MEGF11: variants seen among roughly 807,000 people sequenced by gnomAD.
MEGF11 encodes multiple EGF like domains 11, also known as multiple epidermal growth factor-like domains protein 11.
Under a neutral mutation model 146.6 loss-of-function variants are expected in MEGF11, and 126 were observed. The observed-to-expected ratio is 0.86, with a 90% CI of 0.74 to 1.00. The LOEUF is 1.00. MEGF11 is among the 50% of genes least tolerant of loss of function. The pLI is 0.00. For synonymous variants in MEGF11, 532 were observed against 583.4 expected, an observed-to-expected ratio of 0.91 and a Z score of 1.27; for missense variants, 1,509 against 1,521.2, an observed-to-expected ratio of 0.99 and a Z score of 0.13.
chr15:66,025,838 C>G (rs1205833656), intron 5 of MEGF11, among the ~76,000 whole-genome samples: 1 of 152,194 alleles, frequency 6.6e-6, no homozygotes, highest in Non-Finnish European at 1.5e-5. Flanking sequence ...GCATCTCAAC[C>G]CCACAATGAT....
intron 8 of MEGF11, among the ~76,000 whole-genome samples, chr15:65,967,359 G>T (rs568122549): frequency 1.1e-3 from 171 of 152,282 alleles, no homozygotes; most frequent in African/African-American, 3.9e-3. Context: ...TGGATTTAAG[G>T]AGTTAGTGTT....
chr15:65,919,311 C>T (rs865959785), intron 15 of MEGF11, among the ~76,000 whole-genome samples: 4 of 152,208 alleles, frequency 2.6e-5, no homozygotes, highest in Admixed American at 1.3e-4. Flanking sequence ...CACTTAAATG[C>T]ACCAGACACT....
chr15:66,010,407 G>T (rs142010664), intron 5 of MEGF11, among the ~76,000 whole-genome samples: 1 of 151,954 alleles, frequency 6.6e-6, no homozygotes, highest in Non-Finnish European at 1.5e-5. Flanking sequence ...TGGCCAGGCT[G>T]GTCTCGAACT....
chr15:66,118,051 C>T (rs1224418557), intron 4 of MEGF11, among the ~76,000 whole-genome samples: 1 of 152,156 alleles, frequency 6.6e-6, no homozygotes, highest in East Asian at 1.9e-4. Flanking sequence ...TCTACCCACT[C>T]GAATGGCAAA....
chr15:66,221,509 C>T lies in MEGF11; in HGVS notation c.-9+32096G>A, dbSNP rs2091736609. On this transcript the variant is annotated intron_variant, in intron 1 of 25. Transcript: ENST00000395614. ...ACCTCGTTCACCCTTTCCAGTCAGA[C>T]CACCGGCTCCTAAGGACTCAGACCA... Among the ~76,000 whole-genome samples the T allele has an allele frequency of 4.6e-5, 7 of 151,990 alleles. No homozygotes were observed. In the South Asian group the frequency reaches 1.5e-3, roughly 32 times the overall value.
chr15:66,126,364 G>A (rs571250474), intron 2 of MEGF11, among the ~76,000 whole-genome samples: 4 of 152,186 alleles, frequency 2.6e-5, no homozygotes, highest in Non-Finnish European at 5.9e-5. Flanking sequence ...AGAGTCCCCA[G>A]ACCTCATTCC....
At chr15:66,061,943 AT>A (rs1173764097) in intron 5 of MEGF11, among the ~76,000 whole-genome samples, 1 of 152,068 alleles carries the variant, frequency 6.6e-6, no homozygotes, top group African/African-American at 2.4e-5. Flanking sequence ...CTAATTTAAA[AT>A]TTTTTTGTAG....
intron 8 of MEGF11, among the ~76,000 whole-genome samples, chr15:65,969,081 C>T (rs1448905476): frequency 6.6e-6 from 1 of 152,142 alleles, no homozygotes. Context: ...TTAGGGGTTC[C>T]TCTCTGCCCA....
intron 10 of MEGF11, among the ~76,000 whole-genome samples, chr15:65,947,461 G>C (rs893417275): frequency 6.6e-6 from 1 of 152,196 alleles, no homozygotes; most frequent in Middle Eastern, 3.2e-3. Context: ...TGTTGGGAAG[G>C]ATGGGTAGAA....
At chr15:66,009,251 T>G (rs950247643) in intron 5 of MEGF11, among the ~76,000 whole-genome samples, 53 of 151,876 alleles carry the variant, frequency 3.5e-4, no homozygotes, top group Non-Finnish European at 6.9e-4. Context: ...GTTTTTTTTT[T>G]TTTTTTTTTT....
In MEGF11 at chr15:66,119,951, C is replaced by A. The variant is rs145298686; in HGVS notation, c.201-765G>T. Among the ~76,000 whole-genome samples the A allele has an allele frequency of 3.9e-4, 60 of 152,280 alleles. 1 individual carries two copies. In the East Asian group the frequency reaches 9.8e-3, roughly 25 times the overall value. On this transcript the variant is annotated intron_variant, in intron 3 of 25. Transcript: ENST00000395614. ...TCCCTGGGGCAGGCACCATTACTAT[C>A]CCCCTTTATTTTATTTCTTTCTCTT...
At chr15:66,239,242 A>C (rs981897265) in intron 1 of MEGF11, among the ~76,000 whole-genome samples, 1 of 152,220 alleles carries the variant, frequency 6.6e-6, no homozygotes, top group Non-Finnish European at 1.5e-5. Context: ...ATGATGAGCT[A>C]GGAGCATTTT....
intron 1 of MEGF11, among the ~76,000 whole-genome samples, chr15:66,188,007 C>A (rs2090758035): frequency 6.6e-6 from 1 of 152,212 alleles, no homozygotes; most frequent in South Asian, 2.1e-4. Flanking sequence ...CCAACCTTAG[C>A]ACTACTGACG....
intron 10 of MEGF11, among the ~76,000 whole-genome samples, chr15:65,950,231 CTAAT>C (rs969226214): frequency 6.6e-6 from 1 of 152,166 alleles, no homozygotes; most frequent in African/African-American, 2.4e-5. Context: ...TTTATATTTG[CTAAT>C]TAATTTAGTC....
At chr15:65,984,977 C>T (rs1019177556) in intron 5 of MEGF11, among the ~76,000 whole-genome samples, 2 of 151,936 alleles carry the variant, frequency 1.3e-5, no homozygotes, top group East Asian at 1.9e-4. Flanking sequence ...CCATGTTGGC[C>T]GGGTTGGTCT....
At chr15:66,113,346 C>T (rs2140876395) in intron 4 of MEGF11, among the ~76,000 whole-genome samples, 1 of 152,342 alleles carries the variant, frequency 6.6e-6, no homozygotes, top group East Asian at 1.9e-4. Flanking sequence ...GAAAACCATA[C>T]TGCAGAGGGT....
chr15:66,098,349 T>C (rs146670356), intron 4 of MEGF11, among the ~76,000 whole-genome samples: 3,471 of 152,284 alleles, frequency 0.023, 52 homozygotes, highest in Non-Finnish European at 0.031. Flanking sequence ...TCTGAATCAA[T>C]TCTCCCTTCT....
chr15:65,941,905 C>T (rs1338552185), intron 10 of MEGF11, among the ~76,000 whole-genome samples: 1 of 152,264 alleles, frequency 6.6e-6, no homozygotes, highest in Non-Finnish European at 1.5e-5. Context: ...CAGACCCACA[C>T]ATCCCTAGTG....
intron 5 of MEGF11, among the ~76,000 whole-genome samples, chr15:66,052,703 C>T (rs967538791): frequency 6.6e-6 from 1 of 152,176 alleles, no homozygotes; most frequent in Non-Finnish European, 1.5e-5. Flanking sequence ...TCCAGGCCTC[C>T]CCTCAGTGGC....
Sources: gnomAD v4.1 joint callset for allele counts (sites outside exome capture counted in the v4.1 genomes callset) on GRCh38, gnomAD v4.1.1 for gene constraint, MANE v1.5 for transcripts, NCBI Gene and HGNC (gene_info 2026-07-23, HGNC 2026-07-21) for gene names.